GLIS3: variants seen among roughly 807,000 people sequenced by gnomAD.
The protein encoded by GLIS3 is zinc finger protein GLIS3.
A neutral mutation model predicts 78.6 loss-of-function variants in GLIS3; 53 were observed. The ratio of observed to expected loss-of-function variants is 0.67; its 90% CI spans 0.54 to 0.85. The LOEUF is 0.85. Ranked by LOEUF, GLIS3 falls within the 40% of genes least tolerant of loss-of-function variation. GLIS3 has a pLI of 0.00. For synonymous variants in GLIS3, 684 were observed against 509.9 expected, an observed-to-expected ratio of 1.34 and a Z score of -4.60; for missense variants, 1,703 against 1,231.1, an observed-to-expected ratio of 1.38 and a Z score of -5.74.
chr9:4,067,311 A>C (rs1201187868), intron 4 of GLIS3, among the ~76,000 whole-genome samples: 4 of 151,846 alleles, frequency 2.6e-5, no homozygotes, highest in Non-Finnish European at 5.9e-5. Context: ...ATTCTTTATA[A>C]AATTCTTAAC....
intron 2 of GLIS3, among the ~76,000 whole-genome samples, chr9:4,334,926 T>TTTA (rs1817737225): frequency 7.7e-6 from 1 of 129,720 alleles, no homozygotes. Flanking sequence ...TTTTTTTTTT[T>TTTA]GAAACGGAGT....
the GLIS3 span, among the ~76,000 whole-genome samples, chr9:4,449,018 C>T: frequency 6.6e-6 from 1 of 152,138 alleles, no homozygotes; most frequent in Non-Finnish European, 1.5e-5. Flanking sequence ...GGCAGGGTGT[C>T]ACCTCACCTG....
chr9:3,905,164 C>CTTTTTTTTTTTTTTT (rs1563834122), intron 6 of GLIS3, among the ~76,000 whole-genome samples: 2 of 133,356 alleles, frequency 1.5e-5, no homozygotes, highest in African/African-American at 2.8e-5. Context: ...TTTTTTTTTG[C>CTTTTTTTTTTTTTTT]TATTTTTAGT....
At chr9:4,334,474 G>T (rs189843866) in intron 2 of GLIS3, among the ~76,000 whole-genome samples, 136 of 152,312 alleles carry the variant, frequency 8.9e-4, no homozygotes, top group Admixed American at 2.1e-3. Flanking sequence ...TAGTGCAAAT[G>T]CATGTTCATT....
chr9:3,972,738 T>C (rs1011057475), intron 4 of GLIS3, among the ~76,000 whole-genome samples: 2 of 152,206 alleles, frequency 1.3e-5, no homozygotes, highest in African/African-American at 4.8e-5. Flanking sequence ...AGTTTATATA[T>C]TTACTTTCCT....
intron 4 of GLIS3, among the ~76,000 whole-genome samples, chr9:4,077,104 A>C (rs1414857487): frequency 6.6e-6 from 1 of 152,184 alleles, no homozygotes; most frequent in African/African-American, 2.4e-5. Flanking sequence ...CTTATTTGTC[A>C]TTGATATCTG....
chr9:4,343,716 C>G (rs751957114), intron 2 of GLIS3, among the ~76,000 whole-genome samples: 1 of 152,162 alleles, frequency 6.6e-6, no homozygotes, highest in Non-Finnish European at 1.5e-5. Context: ...ATACACACCA[C>G]GGAATACTAT....
At chr9:4,298,837 C>T (rs1816849385) in intron 1 of GLIS3, among the ~76,000 whole-genome samples, 1 of 152,152 alleles carries the variant, frequency 6.6e-6, no homozygotes, top group African/African-American at 2.4e-5. Context: ...AGCCCGACCA[C>T]CTCCCGCAAT....
rs573534644 is a variant in GLIS3 at position 3,974,309 on chromosome 9, C to A, written c.1711-37120G>T. Among the ~76,000 whole-genome samples, 5 of 152,218 alleles carry A rather than the reference C, an allele frequency of 3.3e-5. No homozygotes were observed. The East Asian group carries it at 9.6e-4, about 29-fold the overall frequency. The stretch of plus-strand genomic sequence containing the variant: ...ATGGTTTAGTTTTACCCTTTTCCTT[C>A]TTTTCTAATTAAATTCTAGATACAG... On this transcript the variant is annotated intron_variant, in intron 4 of 10. Transcript: ENST00000381971.
intron 4 of GLIS3, among the ~76,000 whole-genome samples, chr9:4,093,104 T>C (rs996144200): frequency 1.3e-5 from 2 of 152,140 alleles, no homozygotes; most frequent in Non-Finnish European, 2.9e-5. Flanking sequence ...TGCCTGCATG[T>C]ATATTTAATT....
intron 2 of GLIS3, among the ~76,000 whole-genome samples, chr9:4,340,713 G>A (rs1817821903): frequency 6.6e-6 from 1 of 152,154 alleles, no homozygotes; most frequent in South Asian, 2.1e-4. Flanking sequence ...TTTGGAGACA[G>A]AGTCTCGCTC....
chr9:4,067,901 G>A (rs949557687), intron 4 of GLIS3, among the ~76,000 whole-genome samples: 1 of 151,880 alleles, frequency 6.6e-6, no homozygotes, highest in East Asian at 1.9e-4. Flanking sequence ...TAACCACCGA[G>A]CTGTCAAAGA....
intron 9 of GLIS3, among the ~76,000 whole-genome samples, chr9:3,845,895 G>A (rs10973761): frequency 1.3e-5 from 2 of 152,068 alleles, no homozygotes; most frequent in Non-Finnish European, 2.9e-5. Flanking sequence ...AGATGGTCCT[G>A]GGTGCAATTT....
chr9:4,385,721 GAGAA>G, the GLIS3 span, among the ~76,000 whole-genome samples: 13 of 49,388 alleles, frequency 2.6e-4, no homozygotes, highest in African/African-American at 6.4e-4. Flanking sequence ...GAGAGAGAGA[GAGAA>G]AGAAAGAAAG....
intron 9 of GLIS3, among the ~76,000 whole-genome samples, chr9:3,843,526 C>G (rs1412379690): frequency 6.6e-6 from 1 of 152,176 alleles, no homozygotes; most frequent in Non-Finnish European, 1.5e-5. Context: ...TCTGTTATCT[C>G]CATCTGGCTA....
chr9:4,335,054 G>A (rs56739948), intron 2 of GLIS3, among the ~76,000 whole-genome samples: 5,769 of 151,256 alleles, frequency 0.038, 388 homozygotes, highest in African/African-American at 0.13. Flanking sequence ...GACTACAGGC[G>A]CCCGCCACTA....
Position 4,127,448 on chromosome 9 carries a change from T to C in GLIS3, c.389-1507A>G, listed in dbSNP as rs937835703. Among the ~76,000 whole-genome samples the C allele has an allele frequency of 1.3e-5, 2 of 152,180 alleles. 1 individual carries two copies. The highest frequency in any genetic ancestry group is 4.1e-4 in the South Asian group (2 of 4,828). ...CCCATTGCAGTTTATATCTGATCCA[T>C]CTTCTTGTGCCTTAAAAGATCAGTT... On this transcript the variant is annotated intron_variant, in intron 2 of 10. Coordinates refer to ENST00000381971, the MANE Select transcript of GLIS3 (RefSeq NM_001042413.2).
At chr9:4,003,486 C>T (rs2129940576) in intron 4 of GLIS3, among the ~76,000 whole-genome samples, 1 of 152,268 alleles carries the variant, frequency 6.6e-6, no homozygotes, top group East Asian at 1.9e-4. Flanking sequence ...GTGGCATCCC[C>T]CTTAATTGTC....
intron 2 of GLIS3, among the ~76,000 whole-genome samples, chr9:4,153,816 C>G (rs1027415366): frequency 3.3e-5 from 5 of 152,206 alleles, no homozygotes; most frequent in Non-Finnish European, 7.3e-5. Flanking sequence ...TGCTACATAG[C>G]AAACCACTCA....
Sources: allele counts gnomAD v4.1 joint callset (sites outside exome capture counted in the v4.1 genomes callset), GRCh38; gene constraint gnomAD v4.1.1; transcripts MANE v1.5; gene names NCBI Gene and HGNC (gene_info 2026-07-23, HGNC 2026-07-21).